Variants in MCU observed in about 807,000 individuals in gnomAD.
The protein encoded by MCU is mitochondrial calcium uniporter, also known as calcium uniporter protein, mitochondrial.
In MCU, 12 loss-of-function variants were observed where a neutral mutation model predicts 45.2. The observed-to-expected ratio is 0.27, with a 90% CI of 0.17 to 0.43. The LOEUF (loss-of-function observed/expected upper bound fraction) is 0.43. MCU is among the 20% of genes least tolerant of loss of function. The pLI, the probability that MCU is intolerant of heterozygous loss-of-function variation, is 1.00. For synonymous variants in MCU, 160 were observed against 165.1 expected, an observed-to-expected ratio of 0.97 and a Z score of 0.24; for missense variants, 324 against 436.7, an observed-to-expected ratio of 0.74 and a Z score of 2.30.
At chr10:72,735,443 C>A (rs1458107726) in intron 1 of MCU, among the ~76,000 whole-genome samples, 2 of 152,074 alleles carry the variant, frequency 1.3e-5, no homozygotes, top group African/African-American at 4.8e-5. Flanking sequence ...TGGAGGGTTT[C>A]ACTTGACAGC....
At chr10:72,776,440 T>C (rs896421041) in intron 1 of MCU, among the ~76,000 whole-genome samples, 1 of 152,164 alleles carries the variant, frequency 6.6e-6, no homozygotes, top group Non-Finnish European at 1.5e-5. Flanking sequence ...AAACATGATA[T>C]ATCACATTAA....
chr10:72,699,070 C>T (rs2132646201), intron 1 of MCU, among the ~76,000 whole-genome samples: 1 of 152,242 alleles, frequency 6.6e-6, no homozygotes, highest in East Asian at 1.9e-4. Flanking sequence ...TCCCAAAGTA[C>T]TGGGATTATA....
chr10:72,776,259 C>A (rs1033491061), intron 1 of MCU, among the ~76,000 whole-genome samples: 5 of 151,866 alleles, frequency 3.3e-5, no homozygotes, highest in African/African-American at 1.2e-4. Context: ...GATAAGGACC[C>A]AAGAAAAGAA....
In MCU at chr10:72,849,789, G is replaced by A. The variant is rs996290971; in HGVS notation, c.221-9388G>A. On this transcript the variant is annotated intron_variant, in intron 2 of 7. Coordinates refer to ENST00000373053, the MANE Select transcript of MCU (RefSeq NM_138357.3). The stretch of plus-strand genomic sequence containing the variant: ...TACTGCTAAAACAAGCAAGTTAAGA[G>A]CTAAAATTTCTACTGAATTTAGCAA... 1.4e-4 allele frequency among the ~76,000 whole-genome samples: 21 copies of A among 152,140 alleles called. 1 individual carries two copies. The highest frequency in any genetic ancestry group is 2.5e-4 in the Non-Finnish European group (17 of 68,018).
chr10:72,771,240 C>T (rs1038371305), intron 1 of MCU, among the ~76,000 whole-genome samples: 1 of 152,122 alleles, frequency 6.6e-6, no homozygotes, highest in African/African-American at 2.4e-5. Context: ...TGATGTTCCC[C>T]TCCCTGTGTC....
intron 1 of MCU, chr10:72,756,824 T>G (rs759313564): frequency 3.9e-5 from 6 of 151,954 alleles, no homozygotes; most frequent in Non-Finnish European, 7.4e-5. Flanking sequence ...ACTGGAAAGT[T>G]AAGAGTTTTG....
chr10:72,874,658 C>T (rs575104916), intron 6 of MCU, among the ~76,000 whole-genome samples: 2 of 152,280 alleles, frequency 1.3e-5, no homozygotes, highest in South Asian at 4.2e-4. Context: ...TTTTTAGCAC[C>T]TAGTTGCATG....
intron 7 of MCU, among the ~76,000 whole-genome samples, chr10:72,884,816 C>G (rs550699890): frequency 3.2e-4 from 49 of 152,154 alleles, no homozygotes; most frequent in Middle Eastern, 3.4e-3. Flanking sequence ...AGATCTTTGC[C>G]AGGGACAGTT....
intron 1 of MCU, among the ~76,000 whole-genome samples, chr10:72,746,658 G>A (rs1293303487): frequency 6.6e-6 from 1 of 152,188 alleles, no homozygotes; most frequent in Non-Finnish European, 1.5e-5. Context: ...TGTGTTTGGG[G>A]ATTCTGTGCT....
chr10:72,847,294 A>C lies in MCU; in HGVS notation c.221-11883A>C, dbSNP rs528888441. Among the ~76,000 whole-genome samples, 10 of 152,278 alleles carry C rather than the reference A, an allele frequency of 6.6e-5. No homozygotes were observed. The South Asian group carries it at 1.9e-3, about 28-fold the overall frequency. ...CTGTCCTGTATAATGATTTCTGATCAAGTTGGGGGAACCTGGGGTTCTCCA... is the reference window on the plus strand; with the variant it reads ...CTGTCCTGTATAATGATTTCTGATCCAGTTGGGGGAACCTGGGGTTCTCCA... On this transcript the variant is annotated intron_variant, in intron 2 of 7. Coordinates refer to ENST00000373053, the MANE Select transcript of MCU (RefSeq NM_138357.3).
At chr10:72,812,882 AT>A (rs1844566686) in intron 1 of MCU, among the ~76,000 whole-genome samples, 1 of 152,152 alleles carries the variant, frequency 6.6e-6, no homozygotes, top group South Asian at 2.1e-4. Flanking sequence ...AAATTCAAAA[AT>A]ATGCAGCTTG....
intron 1 of MCU, among the ~76,000 whole-genome samples, chr10:72,727,956 C>T (rs1203794240): frequency 6.6e-6 from 1 of 150,664 alleles, no homozygotes; most frequent in Non-Finnish European, 1.5e-5. Flanking sequence ...TCAGGGATGC[C>T]AGAGAATCAG....
intron 1 of MCU, among the ~76,000 whole-genome samples, chr10:72,758,226 G>A (rs528684236): frequency 6.6e-6 from 1 of 152,292 alleles, no homozygotes; most frequent in East Asian, 1.9e-4. Flanking sequence ...ATTTGGTTAA[G>A]AGAGTCTAAA....
At chr10:72,848,762 G>T (rs1224385298) in intron 2 of MCU, among the ~76,000 whole-genome samples, 2 of 152,098 alleles carry the variant, frequency 1.3e-5, no homozygotes, top group Non-Finnish European at 2.9e-5. Flanking sequence ...GTGCGTGTGT[G>T]TATGTATAAA....
chr10:72,704,873 AC>A (rs1842800737), intron 1 of MCU, among the ~76,000 whole-genome samples: 1 of 151,940 alleles, frequency 6.6e-6, no homozygotes, highest in Admixed American at 6.6e-5. Context: ...TGGATGTGCC[AC>A]CATGCCCAGC....
intron 6 of MCU, among the ~76,000 whole-genome samples, chr10:72,882,067 C>CT (rs1380581697): frequency 6.6e-6 from 1 of 152,196 alleles, no homozygotes; most frequent in Non-Finnish European, 1.5e-5. Flanking sequence ...TTTATAATTT[C>CT]TTACGCCTGT....
chr10:72,871,300 T>C (rs1845539059), intron 5 of MCU, 77 bp from the exon 6 acceptor site: 4 of 1,289,934 alleles, frequency 3.1e-6, no homozygotes, highest in African/African-American at 1.5e-5. Flanking sequence ...CCTGTTTCTT[T>C]AGTGAACATA....
intron 6 of MCU, among the ~76,000 whole-genome samples, chr10:72,873,004 GTTTTTTGGGTTTTTTTT>G (rs1845567086): frequency 1.1e-5 from 1 of 94,364 alleles, no homozygotes; most frequent in Admixed American, 1.0e-4. Context: ...TTGTTTTTTT[GTTTTTTGGGTTTTTTTT>G]TTTTTTTTTT....
chr10:72,830,406 G>A (rs1264845707), intron 1 of MCU, among the ~76,000 whole-genome samples: 1 of 152,056 alleles, frequency 6.6e-6, no homozygotes, highest in Admixed American at 6.5e-5. Context: ...GTTGTAAAAC[G>A]GCCCAGTGTA....
Sources: gnomAD v4.1 joint callset for allele counts (sites outside exome capture counted in the v4.1 genomes callset) on GRCh38, gnomAD v4.1.1 for gene constraint, MANE v1.5 for transcripts, NCBI Gene and HGNC (gene_info 2026-07-23, HGNC 2026-07-21) for gene names.